Variants in MYBBP1A observed in about 807,000 individuals in gnomAD.
MYBBP1A encodes the protein myb-binding protein 1A.
Under a neutral mutation model 136.3 loss-of-function variants are expected in MYBBP1A, and 147 were observed. The ratio of observed to expected loss-of-function variants is 1.08; its 90% CI spans 0.94 to 1.24. The LOEUF (loss-of-function observed/expected upper bound fraction) is 1.24, where lower values mean the gene tolerates loss of function less well. Among genes scored for constraint, MYBBP1A ranks in the 50% most tolerant of loss-of-function variants. The pLI is 0.00. For synonymous variants in MYBBP1A, 947 were observed against 735.8 expected, an observed-to-expected ratio of 1.29 and a Z score of -4.65; for missense variants, 2,060 against 1,727.4, an observed-to-expected ratio of 1.19 and a Z score of -3.41.
rs370910322 is a variant in MYBBP1A, at chr17:4,539,209, G to A, written c.*206C>T. 88 of 1,455,320 alleles carry A rather than the reference G, an allele frequency of 6.0e-5. No homozygotes were observed. The East Asian group carries it at 1.1e-3, about 18-fold the overall frequency. 90.2% of individuals were successfully genotyped at this position (1,455,320 alleles called of 1,614,324 possible). A position where few individuals can be genotyped will look rare whatever the true frequency, so the allele number is the denominator to read the frequency against. On this transcript the variant is annotated 3_prime_UTR_variant, in exon 26 of 26. Coordinates refer to ENST00000254718, the MANE Select transcript of MYBBP1A (RefSeq NM_014520.4). ...CCCAGCCCAGAACCGGGGGTGGGGA[G>A]GTCTCTGCACCCTGGGACCCCTGCA...
intron 24 of MYBBP1A, among the ~76,000 whole-genome samples, chr17:4,540,936 G>A (rs867912220): frequency 2.0e-5 from 3 of 152,180 alleles, no homozygotes; most frequent in South Asian, 2.1e-4. Flanking sequence ...GCCCCGTCCC[G>A]GGCCCCGCCT....
chr17:4,540,153 CG>C (rs1567602138), intron 25 of MYBBP1A, among the ~76,000 whole-genome samples, 186 bp from the exon 26 acceptor site: 4 of 94,086 alleles, frequency 4.3e-5, no homozygotes, highest in Non-Finnish European at 6.5e-5. Flanking sequence ...GAGGGTCCTG[CG>C]AGGCTCCTGC....
chr17:4,549,785 CAAAAAA>C (rs60360356), intron 9 of MYBBP1A, among the ~76,000 whole-genome samples: 133 of 65,400 alleles, frequency 2.0e-3, no homozygotes, highest in African/African-American at 6.8e-3. Context: ...GAGACTCTGT[CAAAAAA>C]AAAAAAAAAA....
At chr17:4,541,622 T>G (rs543962108) in intron 23 of MYBBP1A, 58 bp from the exon 24 acceptor site, 1 of 1,571,996 alleles carries the variant, frequency 6.4e-7, no homozygotes, top group African/African-American at 1.3e-5. Flanking sequence ...CCTTTCTGTT[T>G]CCCAGCCGGA....
At chr17:4,543,600 G>A (rs1567605767) in intron 19 of MYBBP1A, among the ~76,000 whole-genome samples, 1 of 152,160 alleles carries the variant, frequency 6.6e-6, no homozygotes, top group Non-Finnish European at 1.5e-5. Context: ...GTCCACGCAC[G>A]CTGGCAGAAC....
rs763873236 is a variant in MYBBP1A at position 4,555,239 on chromosome 17, A to C, written c.86T>G (p.Leu29Trp). The C allele has an allele frequency of 1.2e-6, 2 of 1,612,508 alleles. No individual in the cohort carries two copies. Among genetic ancestry groups the C allele is most frequent in the African/African-American group, 1.3e-5 (1 of 75,066 alleles). ...GTCCAAGAACTCGCGACTGTGCTTC[A>C]ATAGGCCATAGCGGTCGGCAGGCCG... ...GARPADRYGL[L>W]KHSREFLDFF... Residue 29 changes from leucine (L) to tryptophan (W), a missense_variant, in exon 1 of 26, where the codon TTG becomes TGG. Coordinates refer to ENST00000254718, the MANE Select transcript of MYBBP1A (RefSeq NM_014520.4).
Position 4,545,919 on chromosome 17 carries a change from C to G in MYBBP1A, c.1848G>C (p.Leu616=), listed in dbSNP as rs768214632. Residue 616 remains leucine, a synonymous_variant, in exon 14 of 26, where the codon CTG becomes CTC. Transcript: ENST00000254718. The part of the protein sequence containing the change: ...LLKSPAESCD[L]LGDIQTCIRK... ...TGATGCAGGTCTGGATGTCACCCAG[C>G]AGGTCACAGCTCTCTGCAGGGGACT... is the stretch of plus-strand genomic sequence containing the variant. 6.2e-7 allele frequency: 1 copy of G among 1,613,278 alleles called. No individual in the cohort carries two copies.
In MYBBP1A at chr17:4,554,879, G is replaced by A; in HGVS notation, c.276C>T (p.Tyr92=). The A allele has an allele frequency of 6.2e-7, 1 of 1,613,562 alleles. No individual in the cohort carries two copies. The highest frequency in any genetic ancestry group is 8.5e-7 in the Non-Finnish European group (1 of 1,180,028). ...ACCTCACCTGTGCCAGGGCCAAACT[G>A]TAGCAGGGCCGGGCTGTTTCTCGCC... The part of the protein sequence containing the change: ...GVGRETARPC[Y]SLALAQLLQS... The change falls in exon 2 of 26, where the codon TAC becomes TAT. Residue 92 remains tyrosine, a synonymous_variant. Transcript: ENST00000254718.
chr17:4,539,141 C>A lies in MYBBP1A; in HGVS notation c.*274G>T. ...GCCAGCACATCAACCTGCACCAACCCAGGCAAACACCAGAGCCCTGGACAT... is the reference window on the plus strand; with the variant it reads ...GCCAGCACATCAACCTGCACCAACCAAGGCAAACACCAGAGCCCTGGACAT... On this transcript the variant is annotated 3_prime_UTR_variant, in exon 26 of 26. Transcript: ENST00000254718. The A allele has an allele frequency of 6.7e-7, 1 of 1,482,390 alleles. No homozygotes were observed. Among genetic ancestry groups the A allele is most frequent in the South Asian group, 1.4e-5 (1 of 73,352 alleles). The allele number at this position is 1,482,390 out of a possible 1,614,324, so 91.8% of individuals were successfully genotyped here.
At chr17:4,553,057 A>T (rs1364916037) in intron 5 of MYBBP1A, among the ~76,000 whole-genome samples, 2 of 152,108 alleles carry the variant, frequency 1.3e-5, no homozygotes, top group African/African-American at 4.8e-5. Flanking sequence ...CCTGACCTCA[A>T]GTGATCTGCC....
At chr17:4,541,592 C>T (rs1906437164) in intron 23 of MYBBP1A, 28 bp from the exon 24 acceptor site, 2 of 1,598,620 alleles carry the variant, frequency 1.3e-6, no homozygotes, top group Non-Finnish European at 1.7e-6. Context: ...GGCTGAGGCA[C>T]TCCGGAGAGC....
In MYBBP1A at chr17:4,555,362, C is replaced by A; in HGVS notation, c.-38G>T. The A allele has an allele frequency of 5.8e-6, 9 of 1,558,076 alleles. No individual in the cohort carries two copies. Among genetic ancestry groups the A allele is most frequent in the Non-Finnish European group, 7.8e-6 (9 of 1,150,782 alleles). ...CACCGAAACACGAAACACGTGTGCTCCGGCCCCAGCCGCTTCCAGGTCAGG... is the reference window on the plus strand; with the variant it reads ...CACCGAAACACGAAACACGTGTGCTACGGCCCCAGCCGCTTCCAGGTCAGG... On this transcript the variant is annotated 5_prime_UTR_variant, in exon 1 of 26. Transcript: ENST00000254718.
At chr17:4,555,014 G>T in intron 1 of MYBBP1A, 58 bp from the exon 2 acceptor site, 1 of 1,600,394 alleles carries the variant, frequency 6.2e-7, no homozygotes, top group South Asian at 1.1e-5. Context: ...ACGCCCCCGC[G>T]CACCCTGGCA....
rs558337380 is a variant in MYBBP1A at position 4,547,811 on chromosome 17, T to C, written c.1824+147A>G. ...GTGGCCGGAGGGATGTTTCCACCTGTGACAAAGTTGGCTTCAAAAACCTCC... is the reference window on the plus strand; with the variant it reads ...GTGGCCGGAGGGATGTTTCCACCTGCGACAAAGTTGGCTTCAAAAACCTCC... On this transcript the variant is annotated intron_variant, in intron 13 of 25. Transcript: ENST00000254718. The C allele has an allele frequency of 2.9e-5, 18 of 613,724 alleles. No individual in the cohort carries two copies. The South Asian group carries it at 4.5e-4, about 15-fold the overall frequency. 38.0% of individuals were successfully genotyped at this position (613,724 alleles called of 1,614,324 possible).
rs756521925 is a variant in MYBBP1A, at chr17:4,548,537, T to C, written c.1543A>G (p.Ser515Gly). ...CCCAAGACTCACCTGAAGAAGGCAC[T>C]GCTGACAGCCTCTCGGGCCTGGTTT... The part of the protein sequence containing the change: ...LENQAREAVS[S>G]AFFSLLQTLS... The change falls in exon 11 of 26, where the codon AGT (serine) becomes GGT (glycine). Residue 515 changes from serine (S) to glycine (G), a missense_variant. Physicochemically the swap from Ser to Gly is moderately conservative, Grantham distance 56. Transcript: ENST00000254718. This position sits in a 1 kb window ranked among gnomAD's most constrained non-coding sequence, Gnocchi z 4.2. 5 of 1,614,126 alleles carry C rather than the reference T, an allele frequency of 3.1e-6. No homozygotes were observed. The highest frequency in any genetic ancestry group is 4.2e-6 in the Non-Finnish European group (5 of 1,180,028).
In MYBBP1A at chr17:4,550,338, T is replaced by C. The variant is rs748052339; in HGVS notation, c.1039A>G (p.Lys347Glu). 6 of 1,612,274 alleles carry C rather than the reference T, an allele frequency of 3.7e-6. No individual in the cohort carries two copies. Among genetic ancestry groups the C allele is most frequent in the Non-Finnish European group, 5.1e-6 (6 of 1,179,572 alleles). The change falls in exon 9 of 26, where the codon AAG (lysine) becomes GAG (glutamate). Residue 347 changes from lysine (K) to glutamate (E), a missense_variant. Coordinates refer to ENST00000254718, the MANE Select transcript of MYBBP1A (RefSeq NM_014520.4). ...TAATCGTCCATCTCTGGGGCAAACT[T>C]GAACTGCTTTGGGAGCTGCAAGAGT... Reference protein sequence around the residue: ...VCTAKLPKQFKFAPEMDDYVG... With the variant: ...VCTAKLPKQFEFAPEMDDYVG...
chr17:4,544,082 T>C (rs974853086), intron 19 of MYBBP1A, among the ~76,000 whole-genome samples: 10 of 152,060 alleles, frequency 6.6e-5, no homozygotes, highest in Non-Finnish European at 1.2e-4. Context: ...CAAACTCCCA[T>C]GCACACTACA....
In MYBBP1A at chr17:4,542,916, C is replaced by T. The variant is rs755164608; in HGVS notation, c.2889G>A (p.Pro963=). ...GTDPSHMPTG[P]QAASCLDLNL... is the part of the protein sequence containing the mutation. ...TCCTGGGCCAGGCCCTGCTCACCTG[C>T]GGGCCCGTGGGCATGTGGCTGGGGT... Residue 963 remains proline, a synonymous_variant, in exon 20 of 26, where the codon CCG becomes CCA. Coordinates refer to ENST00000254718, the MANE Select transcript of MYBBP1A (RefSeq NM_014520.4). The T allele has an allele frequency of 1.9e-5, 31 of 1,613,724 alleles. No individual in the cohort carries two copies. In the Middle Eastern group the frequency reaches 5.0e-4, roughly 26 times the overall value.
rs1906625365 is a variant in MYBBP1A, at chr17:4,543,126, C to T, written c.2679G>A (p.Leu893=). The change falls in exon 20 of 26, where the codon TTG becomes TTA. Residue 893 remains leucine (L), a synonymous_variant. Coordinates refer to ENST00000254718, the MANE Select transcript of MYBBP1A (RefSeq NM_014520.4). The part of the protein sequence containing the change: ...LCRARRYCHD[L]GERAGALHAQ... Reference sequence around the variant, plus strand: ...CGTGCAGGGCCCCTGCGCGCTCACCCAAGTCGTGGCAGTAGCGCCGGGCAC... The same window carrying T: ...CGTGCAGGGCCCCTGCGCGCTCACCTAAGTCGTGGCAGTAGCGCCGGGCAC... The T allele has an allele frequency of 6.2e-7, 1 of 1,610,958 alleles. No individual in the cohort carries two copies. Among genetic ancestry groups the T allele is most frequent in the Non-Finnish European group, 8.5e-7 (1 of 1,178,822 alleles).
Sources: allele counts gnomAD v4.1 joint callset (sites outside exome capture counted in the v4.1 genomes callset), GRCh38; gene constraint gnomAD v4.1.1; non-coding constraint Gnocchi (gnomAD v3.1); transcripts MANE v1.5; gene names NCBI Gene and HGNC (gene_info 2026-07-23, HGNC 2026-07-21).